CWC27: variants seen among roughly 807,000 people sequenced by gnomAD.
CWC27 encodes the protein spliceosome-associated protein CWC27 homolog.
Under a neutral mutation model 63.6 loss-of-function variants are expected in CWC27, and 47 were observed. The ratio of observed to expected loss-of-function variants is 0.74; its 90% CI spans 0.58 to 0.94. The LOEUF (loss-of-function observed/expected upper bound fraction) is 0.94. Ranked by LOEUF, CWC27 falls within the 40% of genes least tolerant of loss-of-function variation. CWC27 has a pLI of 0.00. For missense variants in CWC27, 495 were observed against 554.3 expected (o/e 0.89, Z 1.07); for synonymous variants, 175 against 179.8 (o/e 0.97, Z 0.22).
chr5:64,970,958 A>AGTGTGTGT lies in CWC27; in HGVS notation c.1043-710_1043-703dup, dbSNP rs57958257. ...AAAGAGAAGAGAGAGAGAGAGAGGGAGTGTGTGTGTGTGTGTGTGTGTGTG... is the reference window on the plus strand; with the variant it reads ...AAAGAGAAGAGAGAGAGAGAGAGGGAGTGTGTGTGTGTGTGTGTGTGTGTGTGTGTGTG... On this transcript the variant is annotated intron_variant, in intron 11 of 13. Transcript: ENST00000381070. Among the ~76,000 whole-genome samples, 1,250 of 143,482 alleles carry AGTGTGTGT rather than the reference A, an allele frequency of 8.7e-3. 13 individuals are homozygous for AGTGTGTGT. The highest frequency in any genetic ancestry group is 0.022 in the East Asian group (104 of 4,742). 94.1% of individuals were successfully genotyped at this position (143,482 alleles called of 152,430 possible). A position where few individuals can be genotyped will look rare whatever the true frequency, so the allele number is the denominator to read the frequency against.
intron 11 of CWC27, among the ~76,000 whole-genome samples, chr5:64,965,399 C>T (rs895122344): frequency 2.0e-5 from 3 of 152,176 alleles, no homozygotes; most frequent in Non-Finnish European, 4.4e-5. Context: ...AGATTACAGT[C>T]CAAGACTTTG....
intron 12 of CWC27, among the ~76,000 whole-genome samples, chr5:64,976,828 C>A (rs1749235993): frequency 6.6e-6 from 1 of 152,178 alleles, no homozygotes; most frequent in African/African-American, 2.4e-5. Context: ...AACCAATGCA[C>A]CAGGCCAAAC....
intron 11 of CWC27, among the ~76,000 whole-genome samples, chr5:64,948,217 T>C (rs1748628896): frequency 6.6e-6 from 1 of 152,068 alleles, no homozygotes; most frequent in Admixed American, 6.6e-5. Flanking sequence ...ATCAATAGTG[T>C]ATCTCAGTCA....
chr5:64,954,007 T>C (rs982391393), intron 11 of CWC27, among the ~76,000 whole-genome samples: 3 of 152,238 alleles, frequency 2.0e-5, no homozygotes, highest in African/African-American at 7.2e-5. Flanking sequence ...TCCTTTTTTT[T>C]TAAAACAAAA....
chr5:64,787,224 T>TTTTGTTTG (rs142579302), intron 6 of CWC27, among the ~76,000 whole-genome samples: 1 of 150,958 alleles, frequency 6.6e-6, no homozygotes, highest in Non-Finnish European at 1.5e-5. Flanking sequence ...ATATTAGTGG[T>TTTTGTTTG]TTTGTTTGTT....
At chr5:64,844,145 C>A (rs1271104126) in intron 10 of CWC27, among the ~76,000 whole-genome samples, 6 of 152,144 alleles carry the variant, frequency 3.9e-5, no homozygotes, top group Admixed American at 1.3e-4. Context: ...TTTCCCTGAA[C>A]CCAGAATTTC....
chr5:64,780,984 T>C (rs980606366), intron 2 of CWC27, among the ~76,000 whole-genome samples: 3 of 152,202 alleles, frequency 2.0e-5, no homozygotes, highest in Non-Finnish European at 4.4e-5. Flanking sequence ...ATGTAAATTC[T>C]CTTATTCAGG....
At chr5:64,920,508 C>G (rs1747976739) in intron 11 of CWC27, among the ~76,000 whole-genome samples, 1 of 152,062 alleles carries the variant, frequency 6.6e-6, no homozygotes, top group African/African-American at 2.4e-5. Flanking sequence ...GGGAGGAATC[C>G]CCGTCCCTCA....
At chr5:64,942,944 T>A (rs945848844) in intron 11 of CWC27, among the ~76,000 whole-genome samples, 1 of 152,150 alleles carries the variant, frequency 6.6e-6, no homozygotes, top group Non-Finnish European at 1.5e-5. Flanking sequence ...ACAAAAATGA[T>A]TCCAGAAGAA....
intron 11 of CWC27, among the ~76,000 whole-genome samples, chr5:64,946,041 T>C (rs1333882562): frequency 6.6e-6 from 1 of 152,176 alleles, no homozygotes; most frequent in Non-Finnish European, 1.5e-5. Flanking sequence ...ATCAGATTTC[T>C]CCACATTTTG....
chr5:65,010,054 G>A (rs966623831), intron 13 of CWC27, among the ~76,000 whole-genome samples: 1 of 152,174 alleles, frequency 6.6e-6, no homozygotes, highest in Non-Finnish European at 1.5e-5. Context: ...GTGACTGAAT[G>A]TAACTCAAAT....
intron 10 of CWC27, among the ~76,000 whole-genome samples, chr5:64,856,533 CCT>C (rs1746264803): frequency 6.6e-6 from 1 of 151,582 alleles, no homozygotes; most frequent in African/African-American, 2.4e-5. Context: ...AATAGTTTAG[CCT>C]TTCAACAAGT....
At position 64,938,796 on chromosome 5, in the gene CWC27, G is replaced by C. The variant is rs1748413957; in HGVS notation, c.1043-32907G>C. On this transcript the variant is annotated intron_variant, in intron 11 of 13. Coordinates refer to ENST00000381070, the MANE Select transcript of CWC27 (RefSeq NM_005869.4). ...TAGTCCCATATTTCTTGGAGGCTTTGTTCGTTCCTTTGCATTCTTTTTTCT... is the reference window on the plus strand; with the variant it reads ...TAGTCCCATATTTCTTGGAGGCTTTCTTCGTTCCTTTGCATTCTTTTTTCT... Among the ~76,000 whole-genome samples, 3 of 152,124 alleles carry C rather than the reference G, an allele frequency of 2.0e-5. No homozygotes were observed. In the South Asian group the frequency reaches 6.2e-4, roughly 32 times the overall value.
intron 10 of CWC27, among the ~76,000 whole-genome samples, chr5:64,826,848 C>T (rs1745376939): frequency 1.3e-5 from 2 of 151,870 alleles, no homozygotes; most frequent in Admixed American, 6.6e-5. Context: ...TTTTCTTGGA[C>T]GTGTCCTCCT....
At chr5:64,822,734 A>G (rs1469161745) in intron 10 of CWC27, among the ~76,000 whole-genome samples, 1 of 152,166 alleles carries the variant, frequency 6.6e-6, no homozygotes, top group East Asian at 1.9e-4. Flanking sequence ...TTTTTTTAAA[A>G]CTAGAGTAAA....
intron 11 of CWC27, among the ~76,000 whole-genome samples, chr5:64,957,937 G>A (rs1293545160): frequency 6.6e-6 from 1 of 152,008 alleles, no homozygotes; most frequent in Non-Finnish European, 1.5e-5. Flanking sequence ...TTGATTTTTA[G>A]TATAATACTT....
chr5:64,942,231 C>T lies in CWC27; in HGVS notation c.1043-29472C>T, dbSNP rs1748497067. Among the ~76,000 whole-genome samples, 4 of 151,324 alleles carry T rather than the reference C, an allele frequency of 2.6e-5. No individual in the cohort carries two copies. The South Asian group carries it at 8.4e-4, about 32-fold the overall frequency. ...CTTGAGGTCAGGAGTTCGAGACCAG[C>T]CCAGGCAACATAGTAAGACCCCCGT... On this transcript the variant is annotated intron_variant, in intron 11 of 13. Transcript: ENST00000381070.
intron 11 of CWC27, among the ~76,000 whole-genome samples, chr5:64,933,676 A>G (rs1561161646): frequency 6.6e-6 from 1 of 151,984 alleles, no homozygotes; most frequent in Non-Finnish European, 1.5e-5. Context: ...TATTTTTAGT[A>G]CAGATGGGGT....
Position 64,786,590 on chromosome 5 carries a change from G to A in CWC27, c.562G>A (p.Glu188Lys), listed in dbSNP as rs771405833. ...TAAAAGGCTGAAAAAAGAGAAACCA[G>A]AGGAGGAAGTAAAGAAATTGAAACC... ...EIKRLKKEKP[E>K]EEVKKLKPKG... The change falls in exon 6 of 14, where the codon GAG (glutamate) becomes AAG (lysine). Residue 188 changes from glutamate to lysine, a missense_variant. By Grantham distance (56) the Glu-to-Lys change is moderately conservative (BLOSUM62 1). Coordinates refer to ENST00000381070, the MANE Select transcript of CWC27 (RefSeq NM_005869.4). The A allele has an allele frequency of 1.9e-6, 3 of 1,589,352 alleles. No individual in the cohort carries two copies. Among genetic ancestry groups the A allele is most frequent in the Admixed American group, 1.8e-5 (1 of 55,670 alleles).
Sources: gnomAD v4.1 joint callset for allele counts (sites outside exome capture counted in the v4.1 genomes callset) on GRCh38, gnomAD v4.1.1 for gene constraint, MANE v1.5 for transcripts, NCBI Gene and HGNC (gene_info 2026-07-23, HGNC 2026-07-21) for gene names.